FNBP1: variants seen among roughly 807,000 people sequenced by gnomAD.
FNBP1 encodes the protein formin binding protein 1, also known as formin-binding protein 1.
Under a neutral mutation model 90.6 loss-of-function variants are expected in FNBP1, and 26 were observed. The ratio of observed to expected loss-of-function variants is 0.29; its 90% confidence interval spans 0.21 to 0.40. FNBP1 has a LOEUF of 0.40. FNBP1 is among the 10% of genes least tolerant of loss of function. FNBP1 has a pLI of 1.00. For missense variants in FNBP1, 635 were observed against 768.0 expected (o/e 0.83, Z 2.05); for synonymous variants, 260 against 265.2 (o/e 0.98, Z 0.19).
chr9:129,951,679 A>C (rs1055972388), intron 6 of FNBP1, among the ~76,000 whole-genome samples: 4 of 151,820 alleles, frequency 2.6e-5, no homozygotes, highest in Admixed American at 1.3e-4. Context: ...TCCTGGGCTT[A>C]AGCGATCCTC....
At chr9:129,965,813 G>GGA (rs2048536781) in intron 4 of FNBP1, among the ~76,000 whole-genome samples, 8 of 92,102 alleles carry the variant, frequency 8.7e-5, no homozygotes, top group African/African-American at 3.1e-4. Flanking sequence ...AGGAGGGAGG[G>GGA]AGGGAGGAAG....
At position 129,927,324 on chromosome 9, in the gene FNBP1, C is replaced by T. The variant is rs759168294; in HGVS notation, c.660G>A (p.Glu220=). Residue 220 remains glutamate, a synonymous_variant, in exon 8 of 17, where the codon GAG becomes GAA. Coordinates refer to ENST00000446176, the MANE Select transcript of FNBP1 (RefSeq NM_015033.3). Reference sequence around the variant, plus strand: ...CTCCCATTCTCACAATCCTCCTTTCCTCCATCTCTTGTATTTTCTGCAACA... The same window carrying T: ...CTCCCATTCTCACAATCCTCCTTTCTTCCATCTCTTGTATTTTCTGCAACA... ...PNIFQKIQEM[E]ERRIVRMGES... The T allele has an allele frequency of 3.7e-6, 6 of 1,612,028 alleles. No individual in the cohort carries two copies. Among genetic ancestry groups the T allele is most frequent in the African/African-American group, 2.7e-5 (2 of 75,012 alleles).
Position 129,956,328 on chromosome 9 carries a change from A to C in FNBP1, c.513+1032T>G, listed in dbSNP as rs568955274. Among the ~76,000 whole-genome samples the C allele has an allele frequency of 3.3e-5, 5 of 152,318 alleles. No homozygotes were observed. In the East Asian group the frequency reaches 9.6e-4, roughly 29 times the overall value. ...TAACTGATCTGTCAAAAGCTCAACA[A>C]ATCTATAAAAACTCAGTGCTTTCAC... On this transcript the variant is annotated intron_variant, in intron 6 of 16. Coordinates refer to ENST00000446176, the MANE Select transcript of FNBP1 (RefSeq NM_015033.3).
chr9:130,048,730 G>C, the FNBP1 span, among the ~76,000 whole-genome samples: 2,520 of 150,134 alleles, frequency 0.017, 44 homozygotes, highest in Middle Eastern at 0.031. Flanking sequence ...CACCCGCCTC[G>C]TCCTCCCAAA....
chr9:129,967,982 C>CTT (rs781442852), intron 4 of FNBP1, among the ~76,000 whole-genome samples: 2 of 140,228 alleles, frequency 1.4e-5, no homozygotes, highest in Non-Finnish European at 1.6e-5. Context: ...AGCTGGAAAA[C>CTT]TTTTTTTTTT....
At chr9:129,941,519 G>T (rs1324836075) in intron 6 of FNBP1, among the ~76,000 whole-genome samples, 2 of 152,174 alleles carry the variant, frequency 1.3e-5, no homozygotes, top group African/African-American at 4.8e-5. Context: ...AGGATGGAGT[G>T]CAGTGGTATG....
At chr9:129,949,184 G>A (rs575446072) in intron 6 of FNBP1, among the ~76,000 whole-genome samples, 7 of 152,114 alleles carry the variant, frequency 4.6e-5, no homozygotes, top group South Asian at 4.2e-4. Flanking sequence ...CAAATCACTC[G>A]AGCTCATTCA....
chr9:129,907,759 C>G (rs772521102), intron 12 of FNBP1, among the ~76,000 whole-genome samples: 1 of 152,080 alleles, frequency 6.6e-6, no homozygotes, highest in Non-Finnish European at 1.5e-5. Context: ...GACAGAGTCT[C>G]GCTCCATCAC....
At chr9:129,992,365 T>G (rs146510657) in intron 2 of FNBP1, among the ~76,000 whole-genome samples, 3 of 152,250 alleles carry the variant, frequency 2.0e-5, no homozygotes, top group Middle Eastern at 3.4e-3. Context: ...TTGACGAGAC[T>G]GATATGCACA....
intron 4 of FNBP1, among the ~76,000 whole-genome samples, chr9:129,959,003 A>AAAAAAAAAAAAAAAAAAAAAAGG: frequency 6.8e-6 from 1 of 147,200 alleles, no homozygotes; most frequent in Non-Finnish European, 1.5e-5. Context: ...AAAAAAAAAA[A>AAAAAAAAAAAAAAAAAAAAAAGG]AAAAGGAAAA....
intron 1 of FNBP1, among the ~76,000 whole-genome samples, chr9:130,033,460 C>T (rs1282345544): frequency 1.3e-5 from 2 of 152,134 alleles, no homozygotes; most frequent in African/African-American, 2.4e-5. Context: ...GGAGGAGATT[C>T]CTTTACAGGT....
chr9:130,015,518 G>C (rs975383968), intron 1 of FNBP1, among the ~76,000 whole-genome samples: 2 of 152,056 alleles, frequency 1.3e-5, no homozygotes, highest in African/African-American at 4.8e-5. Context: ...CTACTGCCCA[G>C]GTCTTTACTA....
intron 1 of FNBP1, among the ~76,000 whole-genome samples, chr9:130,024,353 A>C (rs2058139044): frequency 6.6e-6 from 1 of 151,790 alleles, no homozygotes; most frequent in Non-Finnish European, 1.5e-5. Context: ...GGGAGGCTGA[A>C]GTGGGAGGAT....
At chr9:129,962,334 A>G (rs1236097665) in intron 4 of FNBP1, among the ~76,000 whole-genome samples, 1 of 152,212 alleles carries the variant, frequency 6.6e-6, no homozygotes, top group African/African-American at 2.4e-5. Context: ...GCTCCTTTTA[A>G]TAACCGACCT....
At chr9:129,895,523 T>G (rs1006039625) in intron 16 of FNBP1, 2 of 1,209,818 alleles carry the variant, frequency 1.7e-6, no homozygotes, top group East Asian at 3.4e-5. Flanking sequence ...AATGCAACTT[T>G]TTTTTTAATC....
At chr9:130,020,868 G>A (rs2057761251) in intron 1 of FNBP1, among the ~76,000 whole-genome samples, 1 of 152,056 alleles carries the variant, frequency 6.6e-6, no homozygotes. Context: ...AACGGGGAAT[G>A]TAAAATGAGA....
In FNBP1 at chr9:129,889,717, T is replaced by A. The variant is rs546990875; in HGVS notation, c.*822A>T. 4.3e-5 allele frequency: 10 copies of A among 232,274 alleles called. No homozygotes were observed. Among genetic ancestry groups the A allele is most frequent in the African/African-American group, 2.0e-4 (9 of 45,346 alleles). The allele number at this position is 232,274 out of a possible 1,614,324, so 14.4% of individuals were successfully genotyped here. A position where few individuals can be genotyped will look rare whatever the true frequency, so the allele number is the denominator to read the frequency against. On this transcript the variant is annotated 3_prime_UTR_variant, in exon 17 of 17. Coordinates refer to ENST00000446176, the MANE Select transcript of FNBP1 (RefSeq NM_015033.3). ...CGCTCACAAGCGCATGATCTACAGT[T>A]CTCAGGGACAGGAAAGTGATGGGGA...
chr9:129,991,785 A>G (rs927075087), intron 2 of FNBP1, among the ~76,000 whole-genome samples: 17 of 151,436 alleles, frequency 1.1e-4, no homozygotes, highest in Admixed American at 9.2e-4. Context: ...TCAGCCTCCC[A>G]AGTAGCTGGG....
At chr9:130,048,491 C>CTTTTTTTTTTTTTTTTTT in the FNBP1 span, among the ~76,000 whole-genome samples, 1 of 105,082 alleles carries the variant, frequency 9.5e-6, no homozygotes, top group African/African-American at 3.6e-5. Context: ...CCTCAGTTTC[C>CTTTTTTTTTTTTTTTTTT]TTTTTTTTTT....
Sources: allele counts gnomAD v4.1 joint callset (sites outside exome capture counted in the v4.1 genomes callset), GRCh38; gene constraint gnomAD v4.1.1; transcripts MANE v1.5; gene names NCBI Gene and HGNC (gene_info 2026-07-23, HGNC 2026-07-21).